The following PARD3 variants were observed in gnomAD, a reference collection of about 807,000 sequenced individuals.
The protein encoded by PARD3 is partitioning defective 3 homolog.
In PARD3, 75 loss-of-function variants were observed where a neutral mutation model predicts 155.4. The observed-to-expected ratio is 0.48, with a 90% CI of 0.40 to 0.58. The LOEUF is 0.58. Ranked by LOEUF, PARD3 falls within the 20% of genes least tolerant of loss-of-function variation. The probability of loss-of-function intolerance (pLI) is 0.00; values close to 1 mark genes in which losing one functional copy is unlikely to be tolerated. For synonymous variants in PARD3, 576 were observed against 610.5 expected (o/e 0.94, Z 0.83); for missense variants, 1,642 against 1,721.7 (o/e 0.95, Z 0.82).
At chr10:34,625,640 C>T (rs941713197) in intron 2 of PARD3, among the ~76,000 whole-genome samples, 5 of 152,162 alleles carry the variant, frequency 3.3e-5, no homozygotes, top group South Asian at 4.1e-4. Flanking sequence ...AGGCCAGGCG[C>T]GGTGGCTCAC....
chr10:34,382,646 T>A lies in PARD3; in HGVS notation c.1293A>T (p.Pro431=). 6.2e-7 allele frequency: 1 copy of A among 1,613,946 alleles called. No individual in the cohort carries two copies. Among genetic ancestry groups the A allele is most frequent in the Non-Finnish European group, 8.5e-7 (1 of 1,179,998 alleles). ...LPHSAHPSGK[P]PSAPASAPQN... ...GAGGTGCCGAGGCTGGAGCGGATGG[T>A]GGTTTTCCCGAGGGGTGTGCGCTAT... The change falls in exon 9 of 25, where the codon CCA becomes CCT. Residue 431 remains proline (P), a synonymous_variant. Transcript: ENST00000374788.
intron 1 of PARD3, among the ~76,000 whole-genome samples, chr10:34,733,163 A>G (rs2094849428): frequency 6.6e-6 from 1 of 152,224 alleles, no homozygotes; most frequent in Non-Finnish European, 1.5e-5. Context: ...GCCTGCCTCT[A>G]CTTACACTTT....
chr10:34,628,001 A>C (rs540738866), intron 2 of PARD3, among the ~76,000 whole-genome samples: 1 of 152,210 alleles, frequency 6.6e-6, no homozygotes, highest in Admixed American at 6.5e-5. Context: ...GCCCAGGCAG[A>C]AGAGGTGCTG....
chr10:34,351,901 T>C (rs1227640331), intron 14 of PARD3, among the ~76,000 whole-genome samples: 2 of 152,230 alleles, frequency 1.3e-5, no homozygotes, highest in African/African-American at 2.4e-5. Context: ...TATTTCTTAA[T>C]ACAGAAAATG....
At chr10:34,618,986 C>T (rs2091444013) in intron 2 of PARD3, among the ~76,000 whole-genome samples, 1 of 152,070 alleles carries the variant, frequency 6.6e-6, no homozygotes, top group Admixed American at 6.6e-5. Flanking sequence ...TTAGCTTTCA[C>T]TCATCCCACA....
At position 34,111,234 on chromosome 10, in the gene PARD3, G is replaced by T. The variant is rs780025290; in HGVS notation, c.3997C>A (p.Pro1333Thr). 19 of 1,610,932 alleles carry T rather than the reference G, an allele frequency of 1.2e-5. No individual in the cohort carries two copies. The highest frequency in any genetic ancestry group is 1.5e-5 in the Non-Finnish European group (18 of 1,177,560). ...GPFRQDVPPS[P>T]SQVARLNRLQ... The stretch of plus-strand genomic sequence containing the variant: ...CTGTTCAGCCTCGCAACCTGAGAAG[G>T]GGAGGGGGGCACATCTTGCCGGAAG... Residue 1333 changes from proline to threonine, a missense_variant, in exon 25 of 25, where the codon CCT becomes ACT. Physicochemically the swap from Pro to Thr is conservative, Grantham distance 38. Coordinates refer to ENST00000374788, the MANE Select transcript of PARD3 (RefSeq NM_001184785.2).
intron 22 of PARD3, among the ~76,000 whole-genome samples, chr10:34,199,500 G>A (rs1242590243): frequency 3.3e-5 from 5 of 152,102 alleles, no homozygotes; most frequent in Non-Finnish European, 7.4e-5. Flanking sequence ...CAGAGTTAAC[G>A]AGGTCATGGC....
chr10:34,567,496 A>C (rs1329518160), intron 2 of PARD3, among the ~76,000 whole-genome samples: 2 of 152,180 alleles, frequency 1.3e-5, no homozygotes, highest in Non-Finnish European at 2.9e-5. Flanking sequence ...CCTTAAGAAA[A>C]GTTGAGTCCT....
At chr10:34,698,378 C>T (rs2094212586) in intron 1 of PARD3, among the ~76,000 whole-genome samples, 1 of 152,132 alleles carries the variant, frequency 6.6e-6, no homozygotes, top group Non-Finnish European at 1.5e-5. Flanking sequence ...TTAGGCCCTG[C>T]ACCATTTTCC....
At chr10:34,710,949 G>A (rs533025668) in intron 1 of PARD3, among the ~76,000 whole-genome samples, 2 of 152,062 alleles carry the variant, frequency 1.3e-5, no homozygotes, top group Non-Finnish European at 2.9e-5. Flanking sequence ...GCCAGGGCAG[G>A]AGCATCACTC....
At chr10:34,313,970 AC>A (rs1280481631) in intron 20 of PARD3, among the ~76,000 whole-genome samples, 1 of 152,216 alleles carries the variant, frequency 6.6e-6, no homozygotes, top group Non-Finnish European at 1.5e-5. Flanking sequence ...AAAGGATCAC[AC>A]ACACAGACAC....
chr10:34,124,843 A>G (rs1308107612), intron 23 of PARD3, among the ~76,000 whole-genome samples: 1 of 152,190 alleles, frequency 6.6e-6, no homozygotes, highest in Non-Finnish European at 1.5e-5. Context: ...TTGCTCTACA[A>G]AACAAGCCAG....
intron 22 of PARD3, among the ~76,000 whole-genome samples, chr10:34,252,120 G>A (rs1373921449): frequency 6.6e-6 from 1 of 152,174 alleles, no homozygotes; most frequent in East Asian, 1.9e-4. Flanking sequence ...GTGCTGGGGA[G>A]GGGGAGGGGA....
At chr10:34,514,728 C>A (rs2081604587) in intron 3 of PARD3, among the ~76,000 whole-genome samples, 1 of 152,112 alleles carries the variant, frequency 6.6e-6, no homozygotes. Context: ...GTTTAAAACA[C>A]CATTTAAATT....
chr10:34,118,408 G>A (rs1946801070), intron 24 of PARD3, among the ~76,000 whole-genome samples: 1 of 152,168 alleles, frequency 6.6e-6, no homozygotes, highest in Non-Finnish European at 1.5e-5. Context: ...GCAGTGGTGT[G>A]ATCTCAGCTC....
intron 3 of PARD3, among the ~76,000 whole-genome samples, chr10:34,497,192 A>G (rs1034150036): frequency 5.3e-5 from 8 of 152,212 alleles, no homozygotes; most frequent in African/African-American, 1.9e-4. Flanking sequence ...ATGGATTCAA[A>G]CTGAATCCAC....
intron 12 of PARD3, among the ~76,000 whole-genome samples, chr10:34,364,580 ACAC>A (rs1839785316): frequency 6.6e-6 from 1 of 152,014 alleles, no homozygotes; most frequent in African/African-American, 2.4e-5. Context: ...GACCCCAGGC[ACAC>A]CACCAAGCCT....
Position 34,257,486 on chromosome 10 carries a change from T to C in PARD3, c.3419+12171A>G, listed in dbSNP as rs983920503. 5.7e-4 allele frequency among the ~76,000 whole-genome samples: 86 copies of C among 152,198 alleles called. 1 individual carries two copies. Among genetic ancestry groups the C allele is most frequent in the Admixed American group, 5.6e-3 (86 of 15,280 alleles). ...GATCTTGGAGCTTTTGTTAGAAGGC[T>C]AAAATTGAAAGAAATCCCAGGCAGC... is the stretch of plus-strand genomic sequence containing the variant. On this transcript the variant is annotated intron_variant, in intron 22 of 24. Transcript: ENST00000374788.
intron 12 of PARD3, among the ~76,000 whole-genome samples, chr10:34,368,412 C>A (rs534155023): frequency 6.6e-6 from 1 of 152,096 alleles, no homozygotes; most frequent in African/African-American, 2.4e-5. Flanking sequence ...GTGGCTCACG[C>A]GTGTAATTCC....
Sources: allele counts gnomAD v4.1 joint callset (sites outside exome capture counted in the v4.1 genomes callset), GRCh38; gene constraint gnomAD v4.1.1; transcripts MANE v1.5; gene names NCBI Gene and HGNC (gene_info 2026-07-23, HGNC 2026-07-21).